The following ZMYM2 variants were observed in gnomAD, a reference collection of about 807,000 sequenced individuals.
ZMYM2 encodes zinc finger MYM-type protein 2.
In ZMYM2, 56 loss-of-function variants were observed where a neutral mutation model predicts 162.8. That is an observed-to-expected ratio of 0.34 (90% CI 0.28 to 0.43). The LOEUF (loss-of-function observed/expected upper bound fraction) is 0.43. ZMYM2 is among the 20% of genes least tolerant of loss of function. ZMYM2 has a pLI of 1.00. For missense variants in ZMYM2, 1,275 were observed against 1,621.8 expected (o/e 0.79, Z 3.67); for synonymous variants, 510 against 541.6 (o/e 0.94, Z 0.81).
At chr13:20,024,878 G>C in intron 7 of ZMYM2, 1 of 215,794 alleles carries the variant, frequency 4.6e-6, no homozygotes, top group Non-Finnish European at 9.3e-6. Context: ...GCAAAGTTGA[G>C]GGCTTCCTTT....
At chr13:20,005,943 A>G (rs191999453) in intron 5 of ZMYM2, among the ~76,000 whole-genome samples, 25 of 152,244 alleles carry the variant, frequency 1.6e-4, no homozygotes, top group African/African-American at 5.5e-4. Context: ...TAATTATGAA[A>G]ATGGGGCCAG....
At chr13:19,929,627 G>T in the ZMYM2 span, among the ~76,000 whole-genome samples, 3 of 139,876 alleles carry the variant, frequency 2.1e-5, no homozygotes, top group Non-Finnish European at 4.8e-5. Context: ...CCAAAATTTG[G>T]CATGGTACAA....
chr13:20,003,192 T>G, intron 4 of ZMYM2, 57 bp downstream of exon 4: 1 of 1,526,328 alleles, frequency 6.6e-7, no homozygotes. Context: ...TTGTAAAATT[T>G]TAAGAAAAGT....
chr13:19,958,510 G>T (rs1477303376), upstream of ZMYM2, among the ~76,000 whole-genome samples: 1 of 152,092 alleles, frequency 6.6e-6, no homozygotes, highest in Non-Finnish European at 1.5e-5. Flanking sequence ...GGAGTCGAGG[G>T]CCGGCGGAGG....
At chr13:19,951,541 A>AAAAAG in the ZMYM2 span, among the ~76,000 whole-genome samples, 2 of 150,544 alleles carry the variant, frequency 1.3e-5, no homozygotes, top group African/African-American at 4.9e-5. Flanking sequence ...AAAAAAAAAA[A>AAAAAG]AAAAAAAAAA....
intron 12 of ZMYM2, among the ~76,000 whole-genome samples, chr13:20,048,450 A>T (rs965878342): frequency 2.0e-5 from 3 of 151,988 alleles, no homozygotes; most frequent in African/African-American, 7.2e-5. Context: ...ATTTGTAGCG[A>T]ATCACTCCAT....
chr13:20,077,710 G>A (rs753327352), intron 21 of ZMYM2, among the ~76,000 whole-genome samples: 2 of 152,204 alleles, frequency 1.3e-5, no homozygotes, highest in Admixed American at 6.5e-5. Context: ...ATAATGTGAA[G>A]TGGAGAAAGC....
intron 2 of ZMYM2, among the ~76,000 whole-genome samples, chr13:19,965,529 C>G (rs566666522): frequency 4.6e-4 from 70 of 152,206 alleles, no homozygotes; most frequent in African/African-American, 1.5e-3. Context: ...AATATGTGTT[C>G]TGTTAATTAT....
chr13:19,980,752 C>CAAAAAA (rs914320015), intron 2 of ZMYM2, among the ~76,000 whole-genome samples: 3 of 31,186 alleles, frequency 9.6e-5, no homozygotes, highest in African/African-American at 1.9e-4. Flanking sequence ...GACTCCATCT[C>CAAAAAA]AAAAAAAAAA....
At chr13:19,864,448 C>G in the ZMYM2 span, 8 of 154,952 alleles carry the variant, frequency 5.2e-5, no homozygotes, top group African/African-American at 1.9e-4. Context: ...GCCCCAGCTG[C>G]CGGCGTCTGC....
At chr13:19,950,542 G>T in the ZMYM2 span, among the ~76,000 whole-genome samples, 2 of 152,196 alleles carry the variant, frequency 1.3e-5, no homozygotes, top group Non-Finnish European at 2.9e-5. Context: ...CAAACGCTAA[G>T]CTCTAACCAA....
At chr13:20,032,669 C>T (rs937218348) in intron 10 of ZMYM2, among the ~76,000 whole-genome samples, 2 of 124,188 alleles carry the variant, frequency 1.6e-5, no homozygotes, top group Non-Finnish European at 3.1e-5. Flanking sequence ...AGTACAATGG[C>T]GTGATCTTGG....
chr13:19,987,111 CAAAAAAAAAAAAAAAAA>C (rs58588019), intron 2 of ZMYM2, among the ~76,000 whole-genome samples: 12 of 40,936 alleles, frequency 2.9e-4, no homozygotes, highest in Admixed American at 2.3e-3. Context: ...GGCTCCGTCT[CAAAAAAAAAAAAAAAAA>C]AAAAAAAAAA....
chr13:19,883,156 T>A, the ZMYM2 span, among the ~76,000 whole-genome samples: 9 of 152,202 alleles, frequency 5.9e-5, no homozygotes, highest in African/African-American at 2.2e-4. Flanking sequence ...ATAGATCTTA[T>A]ACTGTATGGC....
intron 12 of ZMYM2, among the ~76,000 whole-genome samples, chr13:20,040,406 T>C (rs964217975): frequency 1.3e-4 from 20 of 152,162 alleles, no homozygotes; most frequent in Admixed American, 9.2e-4. Flanking sequence ...TGGTGGTTAT[T>C]TGTATTTCTG....
At chr13:19,987,340 G>A (rs1031815386) in intron 2 of ZMYM2, among the ~76,000 whole-genome samples, 3 of 151,238 alleles carry the variant, frequency 2.0e-5, no homozygotes, top group African/African-American at 7.3e-5. Context: ...CTCGGCTCAC[G>A]GCAGAATCCA....
intron 2 of ZMYM2, among the ~76,000 whole-genome samples, chr13:19,989,296 A>ATTGTTT: frequency 6.6e-6 from 1 of 151,598 alleles, no homozygotes; most frequent in Non-Finnish European, 1.5e-5. Context: ...GTTACATGAG[A>ATTGTTT]TTGTTTTTGT....
the ZMYM2 span, chr13:19,864,863 A>G: frequency 6.6e-6 from 1 of 152,228 alleles, no homozygotes; most frequent in Admixed American, 6.5e-5. Flanking sequence ...GTCTACACCT[A>G]CGTCTTCGGC....
chr13:19,963,374 A>G (rs1474576464), intron 2 of ZMYM2, among the ~76,000 whole-genome samples: 1 of 152,250 alleles, frequency 6.6e-6, no homozygotes, highest in African/African-American at 2.4e-5. Context: ...GTTCTAATGC[A>G]GGTCTCCAAT....
Sources: allele counts gnomAD v4.1 joint callset (sites outside exome capture counted in the v4.1 genomes callset), GRCh38; gene constraint gnomAD v4.1.1; transcripts MANE v1.5; gene names NCBI Gene and HGNC (gene_info 2026-07-23, HGNC 2026-07-21).